The following ROBO2 variants were observed in gnomAD, a reference collection of about 807,000 sequenced individuals.
ROBO2 encodes roundabout guidance receptor 2, also known as roundabout homolog 2.
In ROBO2, 53 loss-of-function variants were observed where a neutral mutation model predicts 160.8. The observed-to-expected ratio is 0.33, with a 90% CI of 0.26 to 0.41. The LOEUF is 0.41. ROBO2 is among the 10% of genes least tolerant of loss of function. The probability of loss-of-function intolerance (pLI) is 1.00; values close to 1 mark genes in which losing one functional copy is unlikely to be tolerated. For missense variants in ROBO2, 1,577 were observed against 1,722.4 expected, an observed-to-expected ratio of 0.92 and a Z score of 1.49; for synonymous variants, 664 against 611.7, an observed-to-expected ratio of 1.09 and a Z score of -1.26.
In ROBO2 at chr3:77,644,825, C is replaced by T. The variant is rs184958084; in HGVS notation, c.4056C>T (p.Gly1352=). Residue 1352 remains glycine (G), a synonymous_variant, in exon 25 of 26, where the codon GGC becomes GGT. Transcript: ENST00000461745. ...GGAAAACCGAGGTGTTGAGAGCAGG[C>T]CACCAGCGCAATGCCAGCGACCTTC... 815 of 1,614,076 alleles carry T rather than the reference C, an allele frequency of 5.0e-4. 1 individual carries two copies. The highest frequency in any genetic ancestry group is 2.5e-3 in the Middle Eastern group (15 of 6,062).
At chr3:76,490,762 C>T (rs1292657776) in intron 2 of ROBO2, among the ~76,000 whole-genome samples, 1 of 152,142 alleles carries the variant, frequency 6.6e-6, no homozygotes, top group Non-Finnish European at 1.5e-5. Flanking sequence ...GAATGTCTAT[C>T]GCATTAGTTA....
intron 2 of ROBO2, among the ~76,000 whole-genome samples, chr3:76,117,698 T>G (rs999940803): frequency 2.0e-5 from 3 of 152,162 alleles, no homozygotes; most frequent in African/African-American, 2.4e-5. Flanking sequence ...GTTTTGGAAT[T>G]TAACATAATC....
intron 6 of ROBO2, among the ~76,000 whole-genome samples, chr3:77,526,410 G>T (rs1311006044): frequency 2.0e-5 from 3 of 151,478 alleles, no homozygotes; most frequent in Admixed American, 1.3e-4. Flanking sequence ...ATCTACTAAG[G>T]TATGGGCGAA....
chr3:76,435,303 TC>T, intron 2 of ROBO2: 1 of 969,652 alleles, frequency 1.0e-6, no homozygotes, highest in Non-Finnish European at 1.7e-6. Context: ...TGCCAAATCT[TC>T]CTAGATGAAC....
chr3:76,170,064 GC>G (rs1294539925), intron 2 of ROBO2, among the ~76,000 whole-genome samples: 1 of 152,180 alleles, frequency 6.6e-6, no homozygotes, highest in Non-Finnish European at 1.5e-5. Flanking sequence ...ACAGGCGTGA[GC>G]CACTATGCCT....
intron 2 of ROBO2, among the ~76,000 whole-genome samples, chr3:76,198,123 G>C (rs1702348291): frequency 6.6e-6 from 1 of 152,106 alleles, no homozygotes; most frequent in African/African-American, 2.4e-5. Context: ...GTGGGAAGGG[G>C]AGATCAGACA....
At chr3:76,739,684 G>A (rs1320520810) in intron 2 of ROBO2, among the ~76,000 whole-genome samples, 2 of 152,118 alleles carry the variant, frequency 1.3e-5, no homozygotes, top group Admixed American at 6.6e-5. Context: ...GGTAGCAAGG[G>A]CATCACCTGG....
intron 2 of ROBO2, among the ~76,000 whole-genome samples, chr3:77,007,791 T>A (rs577504419): frequency 6.6e-6 from 1 of 152,236 alleles, no homozygotes; most frequent in Non-Finnish European, 1.5e-5. Context: ...TAAGATACAT[T>A]CCTACAAGGG....
At chr3:77,623,255 C>A (rs1026771611) in intron 23 of ROBO2, among the ~76,000 whole-genome samples, 1 of 152,108 alleles carries the variant, frequency 6.6e-6, no homozygotes, top group Non-Finnish European at 1.5e-5. Flanking sequence ...CTGTGTAGAC[C>A]GAGCTACTAC....
chr3:77,549,633 T>C (rs2153652470), intron 7 of ROBO2, among the ~76,000 whole-genome samples: 1 of 152,172 alleles, frequency 6.6e-6, no homozygotes, highest in African/African-American at 2.4e-5. Context: ...ACATCCATCA[T>C]GTTGCAATAA....
chr3:76,459,025 T>C (rs1378644743), intron 2 of ROBO2, among the ~76,000 whole-genome samples: 1 of 152,194 alleles, frequency 6.6e-6, no homozygotes, highest in Non-Finnish European at 1.5e-5. Flanking sequence ...ATAAATACAA[T>C]GTACCCTGTG....
chr3:77,095,618 A>G lies in ROBO2; in HGVS notation c.62-2396A>G, dbSNP rs2070940565. On this transcript the variant is annotated intron_variant, in intron 1 of 25. Transcript: ENST00000461745. ...TCTAAACAGATGATTGTAACCTACT[A>G]TATGCCTGTTACATGAAAAGTGACA... 6.6e-5 allele frequency among the ~76,000 whole-genome samples: 10 copies of G among 152,310 alleles called. No individual in the cohort carries two copies. In the South Asian group the frequency reaches 2.1e-3, roughly 32 times the overall value.
chr3:76,088,382 G>A (rs1020402477), intron 2 of ROBO2, among the ~76,000 whole-genome samples: 6 of 151,970 alleles, frequency 3.9e-5, no homozygotes, highest in African/African-American at 9.7e-5. Context: ...TGTAATCGAC[G>A]TATAGACTAC....
At chr3:76,631,336 T>C (rs544063750) in intron 2 of ROBO2, among the ~76,000 whole-genome samples, 2 of 152,280 alleles carry the variant, frequency 1.3e-5, no homozygotes, top group South Asian at 4.1e-4. Flanking sequence ...TTGTCATCTT[T>C]TGTTGGCGTT....
chr3:77,186,103 AC>A (rs1382957996), intron 2 of ROBO2, among the ~76,000 whole-genome samples: 3 of 151,912 alleles, frequency 2.0e-5, no homozygotes, highest in Non-Finnish European at 4.4e-5. Flanking sequence ...TGATGGGTGC[AC>A]CCAAATCTCA....
intron 1 of ROBO2, among the ~76,000 whole-genome samples, chr3:75,907,927 T>C (rs1173921557): frequency 1.3e-5 from 2 of 151,984 alleles, no homozygotes; most frequent in African/African-American, 4.8e-5. Context: ...CTTTATTTGG[T>C]TTAGAAGTTT....
chr3:77,296,701 T>TTA (rs1226359038), intron 2 of ROBO2, among the ~76,000 whole-genome samples: 2 of 152,126 alleles, frequency 1.3e-5, no homozygotes, highest in Admixed American at 6.6e-5. Flanking sequence ...AAAGGCCTTG[T>TTA]GGTAAGATGA....
intron 2 of ROBO2, among the ~76,000 whole-genome samples, chr3:76,688,873 G>A (rs1270703123): frequency 6.6e-6 from 1 of 151,584 alleles, no homozygotes; most frequent in Non-Finnish European, 1.5e-5. Context: ...TTAAAAACAT[G>A]GTATAAAAAA....
chr3:76,633,372 T>G (rs2090142415), intron 2 of ROBO2, among the ~76,000 whole-genome samples: 1 of 152,138 alleles, frequency 6.6e-6, no homozygotes, highest in African/African-American at 2.4e-5. Context: ...GAATGTATTG[T>G]GAGTCAAGGT....
Sources: allele counts gnomAD v4.1 joint callset (sites outside exome capture counted in the v4.1 genomes callset), GRCh38; gene constraint gnomAD v4.1.1; transcripts MANE v1.5; gene names NCBI Gene and HGNC (gene_info 2026-07-23, HGNC 2026-07-21).